Variants in MPV17 observed in about 807,000 individuals in gnomAD.
MPV17 encodes the protein mitochondrial inner membrane protein MPV17.
MPV17 carries 31 observed loss-of-function variants against 28.6 expected under a neutral mutation model. That is an observed-to-expected ratio of 1.08 (90% CI 0.81 to 1.46). MPV17 has a LOEUF of 1.46. MPV17 is among the 40% of genes most tolerant of loss of function. MPV17 has a pLI of 0.00. For synonymous variants in MPV17, 87 were observed against 85.3 expected, an observed-to-expected ratio of 1.02 and a Z score of -0.11; for missense variants, 198 against 216.2, an observed-to-expected ratio of 0.92 and a Z score of 0.53.
At chr2:27,312,123 G>A in intron 6 of MPV17, 91 bp downstream of exon 6, 2 of 1,495,158 alleles carry the variant, frequency 1.3e-6, no homozygotes, top group South Asian at 1.1e-5. Flanking sequence ...CCCAACGGAA[G>A]GGTTTCCCAT....
Position 27,317,209 on chromosome 2 carries a change from G to C in MPV17, c.71-4100C>G. On this transcript the variant is annotated intron_variant, in intron 2 of 7. Transcript: ENST00000380044. This position sits in a 1 kb window ranked among gnomAD's most constrained non-coding sequence, Gnocchi z 4.0. ...AGGTATAGCTACTGGCATGGGGCCA[G>C]CAGTGCTGCCTTCCTCCCCAGAAGT... is the stretch of plus-strand genomic sequence containing the variant. The C allele has an allele frequency of 1.9e-6, 3 of 1,549,606 alleles. No individual in the cohort carries two copies. The highest frequency in any genetic ancestry group is 2.6e-6 in the Non-Finnish European group (3 of 1,146,592).
intron 2 of MPV17, among the ~76,000 whole-genome samples, chr2:27,320,881 A>G (rs1236262249): frequency 1.3e-5 from 2 of 152,190 alleles, no homozygotes; most frequent in East Asian, 3.9e-4. Context: ...TGATCCAAAT[A>G]CAGTGAACAG....
intron 7 of MPV17, 132 bp downstream of exon 7, chr2:27,311,767 A>G (rs1242925550): frequency 1.3e-6 from 2 of 1,561,816 alleles, no homozygotes; most frequent in Non-Finnish European, 1.7e-6. Context: ...TGGGAATCTG[A>G]GGAACTCTGA....
intron 5 of MPV17, 81 bp downstream of exon 5, chr2:27,312,413 T>A (rs1679481905): frequency 6.6e-7 from 1 of 1,518,922 alleles, no homozygotes; most frequent in Non-Finnish European, 9.1e-7. Context: ...TACCCCCTTT[T>A]TTATCCCTGT....
rs138238523 is a variant in MPV17 at position 27,320,730 on chromosome 2, CA to C, written c.70+1717del. On this transcript the variant is annotated intron_variant, in intron 2 of 7. Transcript: ENST00000380044. The stretch of plus-strand genomic sequence containing the variant: ...TACTAGGTGCTATGGTTTTAAGATT[CA>C]AATCCTGGTCTTCTAAGTCTGAAAT... Among the ~76,000 whole-genome samples, 870 of 152,302 alleles carry C rather than the reference CA, an allele frequency of 5.7e-3. 6 individuals are homozygous for C. Among genetic ancestry groups the C allele is most frequent in the African/African-American group, 0.02 (831 of 41,578 alleles).
chr2:27,317,769 C>A lies in MPV17; in HGVS notation c.71-4660G>T, dbSNP rs1679710210. On this transcript the variant is annotated intron_variant, in intron 2 of 7. Coordinates refer to ENST00000380044, the MANE Select transcript of MPV17 (RefSeq NM_002437.5). The surrounding 1 kb of genome is among the most constrained non-coding windows in gnomAD (Gnocchi z 4.0). ...GCCCACTGGAGAGTGGAAGGGCCCT[C>A]AAAGAAGGAAGGGATAAGGCTGACT... 6.6e-6 allele frequency among the ~76,000 whole-genome samples: 1 copy of A among 152,188 alleles called. No individual in the cohort carries two copies. The highest frequency in any genetic ancestry group is 1.5e-5 in the Non-Finnish European group (1 of 68,038).
Position 27,317,017 on chromosome 2 carries a change from C to A in MPV17, c.71-3908G>T. 1 of 1,455,624 alleles carries A rather than the reference C, an allele frequency of 6.9e-7. No homozygotes were observed. The highest frequency in any genetic ancestry group is 9.2e-7 in the Non-Finnish European group (1 of 1,082,260). 90.2% of individuals were successfully genotyped at this position (1,455,624 alleles called of 1,614,324 possible). Reference sequence around the variant, plus strand: ...AGTGGAAAAGCCCCAACTTCCACACCCTCTTCCCGGGCATGGGCAGGGTAA... The same window carrying A: ...AGTGGAAAAGCCCCAACTTCCACACACTCTTCCCGGGCATGGGCAGGGTAA... On this transcript the variant is annotated intron_variant, in intron 2 of 7. Coordinates refer to ENST00000380044, the MANE Select transcript of MPV17 (RefSeq NM_002437.5). The surrounding 1 kb of genome is among the most constrained non-coding windows in gnomAD (Gnocchi z 4.0).
At chr2:27,313,187 A>T (rs755229953) in intron 2 of MPV17, 78 bp from the exon 3 acceptor site, 103 of 1,606,876 alleles carry the variant, frequency 6.4e-5, no homozygotes, top group Non-Finnish European at 8.6e-5. Flanking sequence ...ACATCTGCTG[A>T]CCTCCACTGA....
At chr2:27,316,090 A>G in intron 2 of MPV17, 7 of 1,550,862 alleles carry the variant, frequency 4.5e-6, no homozygotes, top group Non-Finnish European at 6.1e-6. Context: ...ATCAAAGGAC[A>G]TTCCCTAGAC....
At chr2:27,320,241 A>G (rs1034503076) in intron 2 of MPV17, among the ~76,000 whole-genome samples, 23 of 147,726 alleles carry the variant, frequency 1.6e-4, no homozygotes, top group Non-Finnish European at 3.0e-4. Flanking sequence ...CATCTCGAAG[A>G]AAAAAAAAAA....
At chr2:27,315,312 C>T (rs993780799) in intron 2 of MPV17, among the ~76,000 whole-genome samples, 1 of 152,152 alleles carries the variant, frequency 6.6e-6, no homozygotes, top group Non-Finnish European at 1.5e-5. Context: ...AGGTTTGCTC[C>T]CACCCGCACC....
Position 27,317,201 on chromosome 2 carries a change from TG to T in MPV17, c.71-4093del. On this transcript the variant is annotated intron_variant, in intron 2 of 7. Coordinates refer to ENST00000380044, the MANE Select transcript of MPV17 (RefSeq NM_002437.5). The surrounding 1 kb of genome is among the most constrained non-coding windows in gnomAD (Gnocchi z 4.0). ...GGGTCGGCAGGTATAGCTACTGGCA[TG>T]GGGCCAGCAGTGCTGCCTTCCTCCC... 1.3e-6 allele frequency: 2 copies of T among 1,550,222 alleles called. No homozygotes were observed. The highest frequency in any genetic ancestry group is 1.7e-4 in the Middle Eastern group (1 of 5,918).
chr2:27,321,192 C>T (rs142859804), intron 2 of MPV17, among the ~76,000 whole-genome samples: 3 of 152,322 alleles, frequency 2.0e-5, no homozygotes, highest in African/African-American at 2.4e-5. Context: ...AGTTATGGGC[C>T]CTGAGGGAAT....
chr2:27,317,181 G>A lies in MPV17; in HGVS notation c.71-4072C>T, dbSNP rs925726868. The stretch of plus-strand genomic sequence containing the variant: ...TCCTTCAGTCCAGGAGGCCTGGGTC[G>A]GCAGGTATAGCTACTGGCATGGGGC... On this transcript the variant is annotated intron_variant, in intron 2 of 7. Transcript: ENST00000380044. The surrounding 1 kb of genome is among the most constrained non-coding windows in gnomAD (Gnocchi z 4.0). The A allele has an allele frequency of 5.7e-5, 88 of 1,550,212 alleles. No individual in the cohort carries two copies. The highest frequency in any genetic ancestry group is 6.8e-5 in the African/African-American group (5 of 73,032).
intron 2 of MPV17, chr2:27,313,321 G>T (rs1344423106): frequency 2.6e-6 from 3 of 1,141,596 alleles, no homozygotes; most frequent in South Asian, 1.5e-5. Flanking sequence ...TCAGAAACTG[G>T]GATGAGCAGA....
chr2:27,309,602 T>C lies in MPV17; in HGVS notation c.*310A>G. 1.7e-6 allele frequency: 1 copy of C among 573,404 alleles called. No individual in the cohort carries two copies. Among genetic ancestry groups the C allele is most frequent in the Non-Finnish European group, 3.1e-6 (1 of 321,006 alleles). 35.5% of individuals were successfully genotyped at this position (573,404 alleles called of 1,614,324 possible). On this transcript the variant is annotated 3_prime_UTR_variant, in exon 8 of 8. Transcript: ENST00000380044. ...GCCTAGGCAGGGTTAGAGTAACAAA[T>C]GTGTCTATGAAGAGTGGGGATGAGT...
At chr2:27,313,216 C>T in intron 2 of MPV17, 107 bp from the exon 3 acceptor site, 1 of 1,577,720 alleles carries the variant, frequency 6.3e-7, no homozygotes, top group Non-Finnish European at 8.6e-7. Flanking sequence ...TACTCTGAAC[C>T]CCAGGGCTTC....
chr2:27,313,060 C>CCT lies in MPV17; in HGVS notation c.118_119dup (p.Arg41GlyfsTer13). On this transcript the variant is annotated frameshift_variant, in exon 3 of 8. Transcript: ENST00000380044. LOFTEE classifies it high-confidence loss of function. ...CTCTCTGGTGTTCCTGCAGACCCCG[C>CCT]CTCTCCACCAGCTGCTGTGAGATAA... The CCT allele has an allele frequency of 3.7e-6, 6 of 1,614,210 alleles. No homozygotes were observed. Among genetic ancestry groups the CCT allele is most frequent in the Non-Finnish European group, 5.1e-6 (6 of 1,180,044 alleles).
rs149309794 is a variant in MPV17, at chr2:27,312,224, G to C, written c.398C>G (p.Thr133Ser). 4 of 1,613,988 alleles carry C rather than the reference G, an allele frequency of 2.5e-6. No homozygotes were observed. The highest frequency in any genetic ancestry group is 3.4e-6 in the Non-Finnish European group (4 of 1,179,948). ...LQRDYPDALITNYYLWPAVQL... is the reference protein window; with the variant it reads ...LQRDYPDALISNYYLWPAVQL... The stretch of plus-strand genomic sequence containing the variant: ...GGTGTCAGCTCTTACATAGTAGTTG[G>C]TGATAAGGGCATCAGGATAATCCTG... Residue 133 changes from threonine (T) to serine (S), a missense_variant, in exon 6 of 8, where the codon ACC (threonine) becomes AGC (serine). Thr to Ser is a moderately conservative substitution (Grantham distance 58, BLOSUM62 1). Transcript: ENST00000380044.
Sources: allele counts gnomAD v4.1 joint callset (sites outside exome capture counted in the v4.1 genomes callset), GRCh38; gene constraint gnomAD v4.1.1; non-coding constraint Gnocchi (gnomAD v3.1); transcripts MANE v1.5; gene names NCBI Gene and HGNC (gene_info 2026-07-23, HGNC 2026-07-21).